Variants in MED13L observed in about 807,000 individuals in gnomAD.
MED13L encodes mediator of RNA polymerase II transcription subunit 13-like.
Under a neutral mutation model 220.9 loss-of-function variants are expected in MED13L, and 7 were observed. The ratio of observed to expected loss-of-function variants is 0.03; its 90% CI spans 0.02 to 0.06. MED13L has a LOEUF of 0.06. Among genes scored for constraint, MED13L ranks in the 10% least tolerant of loss-of-function variants. The pLI is 1.00. For missense variants in MED13L, 1,965 were observed against 2,760.5 expected (o/e 0.71, Z 6.46); for synonymous variants, 1,011 against 1,015.2 (o/e 1.00, Z 0.08).
chr12:116,209,774 T>C (rs1449894995), intron 2 of MED13L, among the ~76,000 whole-genome samples: 1 of 152,160 alleles, frequency 6.6e-6, no homozygotes, highest in African/African-American at 2.4e-5. Context: ...GATGACACTT[T>C]CTCAAATGAT....
intron 2 of MED13L, among the ~76,000 whole-genome samples, chr12:116,165,335 G>C (rs1474455040): frequency 1.4e-5 from 1 of 73,780 alleles, no homozygotes; most frequent in Non-Finnish European, 2.6e-5. Flanking sequence ...CCACTTTTTT[G>C]TTTGTTTATT....
intron 8 of MED13L, among the ~76,000 whole-genome samples, chr12:116,014,010 T>C (rs573570435): frequency 3.3e-5 from 5 of 152,334 alleles, no homozygotes; most frequent in African/African-American, 1.2e-4. Flanking sequence ...CAGATGGAAG[T>C]AAAAATATCT....
chr12:116,264,860 G>C (rs1296590787), intron 1 of MED13L, among the ~76,000 whole-genome samples: 2 of 152,014 alleles, frequency 1.3e-5, no homozygotes, highest in Admixed American at 6.6e-5. Flanking sequence ...GCACACAATG[G>C]TGCACGCCTG....
chr12:116,237,358 A>C, intron 2 of MED13L, 110 bp downstream of exon 2: 2 of 903,070 alleles, frequency 2.2e-6, no homozygotes, highest in Non-Finnish European at 3.6e-6. Flanking sequence ...GACATCCATG[A>C]AACACTTAAG....
At chr12:116,043,447 G>A (rs954506122) in intron 4 of MED13L, among the ~76,000 whole-genome samples, 20 of 152,258 alleles carry the variant, frequency 1.3e-4, no homozygotes, top group African/African-American at 4.6e-4. Flanking sequence ...CCCATTTGAT[G>A]TCTTTGGGGG....
intron 1 of MED13L, 41 bp downstream of exon 1, chr12:116,277,019 C>CCG: frequency 7.1e-7 from 1 of 1,418,206 alleles, no homozygotes; most frequent in Non-Finnish European, 9.7e-7. Context: ...GACCCCCCCC[C>CCG]TTCCCCGGCA....
At chr12:116,113,825 GA>G (rs1236047885) in intron 2 of MED13L, among the ~76,000 whole-genome samples, 1 of 64,206 alleles carries the variant, frequency 1.6e-5, no homozygotes, top group African/African-American at 6.4e-5. Context: ...GGAAGAGGGA[GA>G]GGGGAGGGAG....
intron 2 of MED13L, among the ~76,000 whole-genome samples, chr12:116,120,989 T>G (rs1875046703): frequency 6.6e-6 from 1 of 152,184 alleles, no homozygotes; most frequent in African/African-American, 2.4e-5. Context: ...TGCTGTTATT[T>G]TGTCTATTAC....
chr12:116,029,070 T>C (rs938445305), intron 4 of MED13L, among the ~76,000 whole-genome samples: 9 of 152,032 alleles, frequency 5.9e-5, no homozygotes, highest in Non-Finnish European at 1.2e-4. Context: ...GTAACTAACA[T>C]ATAAATAAAA....
At chr12:116,124,123 CGAGAGAG>C (rs1168115406) in intron 2 of MED13L, among the ~76,000 whole-genome samples, 4 of 133,514 alleles carry the variant, frequency 3.0e-5, no homozygotes, top group African/African-American at 2.7e-5. Context: ...GAGAGAAAGA[CGAGAGAG>C]AGAGAGAGAG....
intron 17 of MED13L, among the ~76,000 whole-genome samples, chr12:115,989,675 T>C (rs901203288): frequency 8.5e-5 from 13 of 152,288 alleles, no homozygotes; most frequent in South Asian, 4.1e-4. Context: ...TCTCCAGATA[T>C]AGTCTTATCT....
At chr12:116,256,628 T>C (rs978584770) in intron 1 of MED13L, among the ~76,000 whole-genome samples, 1 of 151,860 alleles carries the variant, frequency 6.6e-6, no homozygotes. Context: ...TAATAAGAAA[T>C]GTATGTATTA....
At chr12:116,119,792 G>C (rs759298815) in intron 2 of MED13L, among the ~76,000 whole-genome samples, 14 of 89,168 alleles carry the variant, frequency 1.6e-4, no homozygotes, top group African/African-American at 1.9e-4. Flanking sequence ...AGGCAAGAGA[G>C]AAAGACCCCA....
intron 2 of MED13L, among the ~76,000 whole-genome samples, chr12:116,196,577 CTTG>C (rs1342540648): frequency 1.3e-5 from 2 of 152,266 alleles, no homozygotes; most frequent in South Asian, 2.1e-4. Context: ...AACAGGATTT[CTTG>C]TTAACTAAAA....
At chr12:116,044,754 T>C (rs1566027875) in intron 4 of MED13L, among the ~76,000 whole-genome samples, 2 of 152,204 alleles carry the variant, frequency 1.3e-5, no homozygotes, top group Admixed American at 6.5e-5. Context: ...AAGTCTTCTG[T>C]TTCTTTTTTA....
chr12:116,185,714 G>A (rs559674204), intron 2 of MED13L, among the ~76,000 whole-genome samples: 6 of 126,268 alleles, frequency 4.8e-5, no homozygotes, highest in Non-Finnish European at 8.1e-5. Context: ...TTTTCTTTTC[G>A]AGATAAGAGT....
intron 2 of MED13L, among the ~76,000 whole-genome samples, chr12:116,194,056 T>C (rs1460780646): frequency 1.3e-5 from 2 of 152,258 alleles, no homozygotes; most frequent in Non-Finnish European, 2.9e-5. Flanking sequence ...ATATTTCCTA[T>C]CTCCAATTTT....
intron 3 of MED13L, among the ~76,000 whole-genome samples, chr12:116,108,762 A>G (rs980747433): frequency 2.0e-5 from 3 of 152,204 alleles, no homozygotes; most frequent in Non-Finnish European, 4.4e-5. Flanking sequence ...GCTCAAATAG[A>G]GCATTCTGGA....
chr12:115,965,652 G>C (rs1425892657), intron 29 of MED13L, among the ~76,000 whole-genome samples: 1 of 152,208 alleles, frequency 6.6e-6, no homozygotes, highest in Admixed American at 6.5e-5. Flanking sequence ...GTGTAAATGT[G>C]CGATGTTTTT....
Sources: allele counts gnomAD v4.1 joint callset (sites outside exome capture counted in the v4.1 genomes callset), GRCh38; gene constraint gnomAD v4.1.1; transcripts MANE v1.5; gene names NCBI Gene and HGNC (gene_info 2026-07-23, HGNC 2026-07-21).